The following NFIC variants were observed in gnomAD, a reference collection of about 807,000 sequenced individuals.
The protein encoded by NFIC is nuclear factor I C, also known as nuclear factor 1 C-type.
NFIC carries 12 observed loss-of-function variants against 54.4 expected under a neutral mutation model. The observed-to-expected ratio is 0.22, with a 90% CI of 0.14 to 0.36. The LOEUF (loss-of-function observed/expected upper bound fraction) is 0.36. Among genes scored for constraint, NFIC ranks in the 10% least tolerant of loss-of-function variants. The pLI, the probability that NFIC is intolerant of heterozygous loss-of-function variation, is 1.00. For synonymous variants in NFIC, 322 were observed against 319.2 expected, an observed-to-expected ratio of 1.01 and a Z score of -0.09; for missense variants, 575 against 718.2, an observed-to-expected ratio of 0.80 and a Z score of 2.28.
rs540439968 is a variant in NFIC, at chr19:3,413,398, G to C, written c.563-11708G>C. Among the ~76,000 whole-genome samples the C allele has an allele frequency of 6.6e-5, 10 of 152,224 alleles. No homozygotes were observed. In the East Asian group the frequency reaches 1.2e-3, roughly 18 times the overall value. On this transcript the variant is annotated intron_variant, in intron 2 of 10. Coordinates refer to ENST00000443272, the MANE Select transcript of NFIC (RefSeq NM_001245002.2). ...TCACAGAATCAAAATTACAGCAAAG[G>C]CTCAACTGTGAGATGCCAGGGTGGC...
chr19:3,439,808 C>T (rs1430132170), intron 6 of NFIC, among the ~76,000 whole-genome samples: 1 of 150,970 alleles, frequency 6.6e-6, no homozygotes, highest in South Asian at 2.1e-4. Flanking sequence ...CCTGCCTCAG[C>T]CTCCCGAATA....
intron 1 of NFIC, among the ~76,000 whole-genome samples, chr19:3,379,349 C>T (rs1325766914): frequency 1.3e-5 from 2 of 151,360 alleles, no homozygotes; most frequent in Admixed American, 6.6e-5. Context: ...TGAACCACCG[C>T]GCCCAGCCGG....
At chr19:3,424,067 G>A (rs560148401) in intron 2 of NFIC, among the ~76,000 whole-genome samples, 21 of 151,828 alleles carry the variant, frequency 1.4e-4, no homozygotes, top group African/African-American at 4.3e-4. Flanking sequence ...TGCTCTTGTC[G>A]CCCAGACTGG....
chr19:3,440,631 A>T (rs1014019766), intron 6 of NFIC, among the ~76,000 whole-genome samples: 3 of 151,724 alleles, frequency 2.0e-5, no homozygotes, highest in Non-Finnish European at 2.9e-5. Context: ...GGTTTTCACC[A>T]TGTTGGCCAG....
chr19:3,374,539 G>A (rs932129119), intron 1 of NFIC, among the ~76,000 whole-genome samples: 1 of 152,212 alleles, frequency 6.6e-6, no homozygotes, highest in Non-Finnish European at 1.5e-5. Context: ...TCCGACAGTG[G>A]GTGCCTCAAC....
intron 6 of NFIC, among the ~76,000 whole-genome samples, chr19:3,448,024 C>T (rs2082398682): frequency 6.6e-6 from 1 of 152,240 alleles, no homozygotes; most frequent in African/African-American, 2.4e-5. Flanking sequence ...CCTGCCTCAG[C>T]CTCCCAAGTA....
intron 2 of NFIC, among the ~76,000 whole-genome samples, chr19:3,408,447 CT>C (rs548203644): frequency 2.0e-5 from 3 of 151,326 alleles, no homozygotes; most frequent in Non-Finnish European, 3.0e-5. Flanking sequence ...ACATCACACA[CT>C]TTTTTTTTCT....
chr19:3,452,789 C>A lies in NFIC; in HGVS notation c.1269+123C>A. On this transcript the variant is annotated intron_variant, in intron 8 of 10. Coordinates refer to ENST00000443272, the MANE Select transcript of NFIC (RefSeq NM_001245002.2). This position sits in a 1 kb window ranked among gnomAD's most constrained non-coding sequence, Gnocchi z 5.3. ...GGTCTTGAGGACTTGGCTCTGAAGTCCCCTCCTCTGTCGTGCTGGGAGGCA... is the reference window on the plus strand; with the variant it reads ...GGTCTTGAGGACTTGGCTCTGAAGTACCCTCCTCTGTCGTGCTGGGAGGCA... 1 of 1,212,180 alleles carries A rather than the reference C, an allele frequency of 8.2e-7. No individual in the cohort carries two copies. Among genetic ancestry groups the A allele is most frequent in the Non-Finnish European group, 1.1e-6 (1 of 879,830 alleles). 75.1% of individuals were successfully genotyped at this position (1,212,180 alleles called of 1,614,324 possible).
At chr19:3,387,198 C>A (rs2081310303) in intron 2 of NFIC, among the ~76,000 whole-genome samples, 1 of 152,210 alleles carries the variant, frequency 6.6e-6, no homozygotes, top group African/African-American at 2.4e-5. Flanking sequence ...CCACCACTTG[C>A]AACGTCACAA....
At chr19:3,454,046 G>A (rs1009518851) in intron 9 of NFIC, 130 bp downstream of exon 9, 58 of 1,382,916 alleles carry the variant, frequency 4.2e-5, no homozygotes, top group Admixed American at 1.1e-4. Flanking sequence ...GTGGGTCTCC[G>A]GAAAACAGCC....
chr19:3,442,915 A>G (rs1294791376), intron 6 of NFIC, among the ~76,000 whole-genome samples: 8 of 152,224 alleles, frequency 5.3e-5, no homozygotes, highest in Non-Finnish European at 1.0e-4. Flanking sequence ...TAGTGCCTTC[A>G]CAGAAGGTCC....
intron 2 of NFIC, among the ~76,000 whole-genome samples, chr19:3,384,134 A>T (rs2081255991): frequency 6.7e-6 from 1 of 148,226 alleles, no homozygotes; most frequent in Non-Finnish European, 1.5e-5. Flanking sequence ...GGCTCACTGT[A>T]GCCTCGACCT....
chr19:3,447,581 G>A (rs1363679079), intron 6 of NFIC, among the ~76,000 whole-genome samples: 1 of 152,242 alleles, frequency 6.6e-6, no homozygotes, highest in Non-Finnish European at 1.5e-5. Flanking sequence ...CTCAGAGAAT[G>A]CCCCGATGCC....
chr19:3,463,154 C>T lies in NFIC; in HGVS notation c.*385C>T. The T allele has an allele frequency of 9.2e-7, 1 of 1,091,388 alleles. No individual in the cohort carries two copies. The highest frequency in any genetic ancestry group is 1.1e-6 in the Non-Finnish European group (1 of 897,668). 67.6% of individuals were successfully genotyped at this position (1,091,388 alleles called of 1,614,324 possible). On this transcript the variant is annotated 3_prime_UTR_variant, in exon 11 of 11. Transcript: ENST00000443272. ...GCCTGCTGCTCGGGAAGGACAGACG[C>T]CGGCCGCCCGCCCGCGCCCCGGAGG...
intron 10 of NFIC, 93 bp downstream of exon 10, chr19:3,456,728 A>G: frequency 8.3e-7 from 1 of 1,208,990 alleles, no homozygotes; most frequent in Non-Finnish European, 1.2e-6. Context: ...GCTGGGTCCC[A>G]CGCCACACCC....
At chr19:3,390,885 G>A (rs1012701792) in intron 2 of NFIC, among the ~76,000 whole-genome samples, 2 of 151,906 alleles carry the variant, frequency 1.3e-5, no homozygotes, top group Non-Finnish European at 2.9e-5. Context: ...GGGAGAGAAT[G>A]TTTCATGGGG....
chr19:3,418,179 A>G (rs1419396650), intron 2 of NFIC, among the ~76,000 whole-genome samples: 1 of 149,448 alleles, frequency 6.7e-6, no homozygotes, highest in East Asian at 2.0e-4. Flanking sequence ...ACTCACTGCA[A>G]CCTCCACCTC....
chr19:3,449,066 C>T lies in NFIC; in HGVS notation c.1011C>T (p.Ser337=). 3.1e-6 allele frequency: 5 copies of T among 1,613,558 alleles called. No homozygotes were observed. The highest frequency in any genetic ancestry group is 4.2e-6 in the Non-Finnish European group (5 of 1,179,784). The change falls in exon 7 of 11, where the codon AGC becomes AGT. Residue 337 remains serine, a synonymous_variant. Transcript: ENST00000443272. ...AGATGGACAAGTCACCATTCAACAG[C>T]CCGTCCCCCCAGGACTCTCCCCGCC... ...KTEMDKSPFN[S]PSPQDSPRLS...
Position 3,370,411 on chromosome 19 carries a change from G to A in NFIC, c.30+3745G>A, listed in dbSNP as rs1309994035. Reference sequence around the variant, plus strand: ...CCCCTCCCCTCTCTGCGGCGGAGGTGCCTCTGCGCGCCAGGGCCAAGCGCC... The same window carrying A: ...CCCCTCCCCTCTCTGCGGCGGAGGTACCTCTGCGCGCCAGGGCCAAGCGCC... On this transcript the variant is annotated intron_variant, in intron 1 of 10. Coordinates refer to ENST00000443272, the MANE Select transcript of NFIC (RefSeq NM_001245002.2). This position sits in a 1 kb window ranked among gnomAD's most constrained non-coding sequence, Gnocchi z 5.2. Among the ~76,000 whole-genome samples the A allele has an allele frequency of 6.6e-6, 1 of 151,970 alleles. No individual in the cohort carries two copies.
Sources: gnomAD v4.1 joint callset for allele counts (sites outside exome capture counted in the v4.1 genomes callset) on GRCh38, gnomAD v4.1.1 for gene constraint, Gnocchi (gnomAD v3.1) non-coding constraint, MANE v1.5 for transcripts, NCBI Gene and HGNC (gene_info 2026-07-23, HGNC 2026-07-21) for gene names.